HSPD1: variants seen among roughly 807,000 people sequenced by gnomAD.
HSPD1 encodes the protein heat shock protein family D (Hsp60) member 1, also known as 60 kDa heat shock protein, mitochondrial.
HSPD1 carries 3 observed loss-of-function variants against 53.0 expected under a neutral mutation model. The observed-to-expected ratio is 0.06, with a 90% CI of 0.03 to 0.15. The LOEUF (loss-of-function observed/expected upper bound fraction) is 0.15, where lower values mean the gene tolerates loss of function less well. Among genes scored for constraint, HSPD1 ranks in the 10% least tolerant of loss-of-function variants. The pLI, the probability that HSPD1 is intolerant of heterozygous loss-of-function variation, is 1.00. For missense variants in HSPD1, 431 were observed against 694.1 expected (o/e 0.62, Z 4.26); for synonymous variants, 200 against 228.0 (o/e 0.88, Z 1.10).
At chr2:197,495,256 A>AT (rs1559302914) in intron 4 of HSPD1, 38 bp downstream of exon 4, 35 of 1,278,308 alleles carry the variant, frequency 2.7e-5, no homozygotes, top group Non-Finnish European at 3.5e-5. Flanking sequence ...ATGCCATTAA[A>AT]TTTTTTTTAA....
In HSPD1 at chr2:197,492,988, G is replaced by A. The variant is rs1257516846; in HGVS notation, c.869+336C>T. 2.7e-5 allele frequency among the ~76,000 whole-genome samples: 4 copies of A among 149,320 alleles called. No homozygotes were observed. In the Admixed American group the frequency reaches 2.7e-4, roughly 10 times the overall value. ...TGCCACTGCACTCCAGCCTGGGCCA[G>A]GGAGTGAGACTCTGTCTCAAAAAAA... is the stretch of plus-strand genomic sequence containing the variant. On this transcript the variant is annotated intron_variant, in intron 7 of 11. Transcript: ENST00000388968.
intron 2 of HSPD1, among the ~76,000 whole-genome samples, chr2:197,497,940 A>G (rs978833617): frequency 2.0e-5 from 3 of 152,154 alleles, no homozygotes; most frequent in South Asian, 2.1e-4. Flanking sequence ...GGATCACTTG[A>G]TATCTGAACT....
At chr2:197,491,095 T>A (rs1308726767) in intron 7 of HSPD1, among the ~76,000 whole-genome samples, 4 of 152,004 alleles carry the variant, frequency 2.6e-5, no homozygotes, top group Admixed American at 2.0e-4. Context: ...ATATGCTATG[T>A]AAACTGGATA....
Position 197,490,312 on chromosome 2 carries a change from G to A in HSPD1, c.870-16C>T. The stretch of plus-strand genomic sequence containing the variant: ...AACCTTTAGCCTGTTAAGAATAGTT[G>A]ATAGTAAGATTTAAATGAAATAAAA... On this transcript the variant is annotated splice_polypyrimidine_tract_variant and intron_variant, in intron 7 of 11. Coordinates refer to ENST00000388968, the MANE Select transcript of HSPD1 (RefSeq NM_002156.5). 2 of 1,575,440 alleles carry A rather than the reference G, an allele frequency of 1.3e-6. No individual in the cohort carries two copies. Among genetic ancestry groups the A allele is most frequent in the Admixed American group, 1.7e-5 (1 of 59,952 alleles).
chr2:197,490,443 C>A (rs2086077281), intron 7 of HSPD1, 147 bp from the exon 8 acceptor site: 3 of 650,930 alleles, frequency 4.6e-6, no homozygotes, highest in Non-Finnish European at 8.2e-6. Flanking sequence ...TGCTTCCTAG[C>A]AATTTTTGAT....
intron 7 of HSPD1, among the ~76,000 whole-genome samples, chr2:197,492,219 C>G (rs949482022): frequency 6.6e-6 from 1 of 152,178 alleles, no homozygotes; most frequent in Non-Finnish European, 1.5e-5. Flanking sequence ...GAGACAGAGT[C>G]TCGCTTTGTT....
intron 7 of HSPD1, among the ~76,000 whole-genome samples, chr2:197,492,499 T>G (rs1433667524): frequency 6.6e-6 from 1 of 152,114 alleles, no homozygotes; most frequent in Non-Finnish European, 1.5e-5. Context: ...TCTGAGTTAT[T>G]TGGAAGTTAG....
intron 7 of HSPD1, among the ~76,000 whole-genome samples, chr2:197,490,916 C>A (rs2086083596): frequency 6.6e-6 from 1 of 152,094 alleles, no homozygotes; most frequent in Non-Finnish European, 1.5e-5. Context: ...ATACAAAAAG[C>A]TGACAGTATT....
intron 1 of HSPD1, 84 bp from the exon 2 acceptor site, chr2:197,498,934 A>T: frequency 8.1e-7 from 1 of 1,235,144 alleles, no homozygotes; most frequent in Non-Finnish European, 1.2e-6. Context: ...CAACAGAGCA[A>T]GCAACGTGAG....
chr2:197,498,602 G>A (rs116282839), intron 2 of HSPD1, 73 bp downstream of exon 2: 1 of 1,313,278 alleles, frequency 7.6e-7, no homozygotes, highest in African/African-American at 1.5e-5. Flanking sequence ...CTGTTGAATA[G>A]TTCAGTGCGA....
intron 8 of HSPD1, among the ~76,000 whole-genome samples, chr2:197,489,821 T>C (rs2086069185): frequency 6.6e-6 from 1 of 151,684 alleles, no homozygotes; most frequent in Admixed American, 6.6e-5. Flanking sequence ...TGCCACTGCA[T>C]TCCAGCCTGG....
chr2:197,487,687 A>G (rs1406132459), intron 11 of HSPD1, among the ~76,000 whole-genome samples, 171 bp downstream of exon 11: 3 of 152,222 alleles, frequency 2.0e-5, no homozygotes, highest in African/African-American at 4.8e-5. Flanking sequence ...GGAGTATTAA[A>G]TATCTAGGTG....
intron 11 of HSPD1, 42 bp from the exon 12 acceptor site, chr2:197,487,240 A>G (rs1318105395): frequency 2.6e-6 from 4 of 1,566,534 alleles, no homozygotes; most frequent in East Asian, 2.3e-5. Context: ...TTAGTAAAAT[A>G]TGAGCAAGAC....
intron 4 of HSPD1, 32 bp from the exon 5 acceptor site, chr2:197,494,784 A>G (rs778383341): frequency 1.4e-6 from 2 of 1,440,250 alleles, no homozygotes; most frequent in South Asian, 2.3e-5. Context: ...TCGAAATTAA[A>G]AGGTAAGCCT....
intron 4 of HSPD1, chr2:197,494,982 A>G: frequency 1.7e-6 from 1 of 598,414 alleles, no homozygotes; most frequent in South Asian, 2.1e-5. Context: ...TTGTAACAAA[A>G]AGTTTAAAAA....
intron 7 of HSPD1, among the ~76,000 whole-genome samples, chr2:197,491,872 C>T (rs908685921): frequency 1.3e-5 from 2 of 152,198 alleles, no homozygotes; most frequent in African/African-American, 4.8e-5. Flanking sequence ...AGGGTAGTGG[C>T]TCATGCCTGT....
chr2:197,491,428 G>T (rs1361996831), intron 7 of HSPD1, among the ~76,000 whole-genome samples: 1 of 151,810 alleles, frequency 6.6e-6, no homozygotes, highest in Admixed American at 6.6e-5. Flanking sequence ...CCAAACTGCT[G>T]GGATTACAGG....
intron 1 of HSPD1, 68 bp from the exon 2 acceptor site, chr2:197,498,918 C>A: frequency 7.2e-7 from 1 of 1,395,062 alleles, no homozygotes; most frequent in Non-Finnish European, 1.0e-6. Flanking sequence ...AACATGCCCA[C>A]CTGTGCAACA....
At chr2:197,491,349 A>T (rs1365998419) in intron 7 of HSPD1, among the ~76,000 whole-genome samples, 2 of 151,794 alleles carry the variant, frequency 1.3e-5, no homozygotes, top group African/African-American at 2.4e-5. Flanking sequence ...TTTAGTAGAG[A>T]CGGGGTTTCA....
Sources: gnomAD v4.1 joint callset for allele counts (sites outside exome capture counted in the v4.1 genomes callset) on GRCh38, gnomAD v4.1.1 for gene constraint, MANE v1.5 for transcripts, NCBI Gene and HGNC (gene_info 2026-07-23, HGNC 2026-07-21) for gene names.